Variants in FOXF2 observed in about 807,000 individuals in gnomAD.
FOXF2 encodes forkhead box F2, also known as forkhead box protein F2.
FOXF2 carries 15 observed loss-of-function variants against 29.1 expected under a neutral mutation model. The ratio of observed to expected loss-of-function variants is 0.52; its 90% CI spans 0.35 to 0.79. FOXF2 has a LOEUF of 0.79. Ranked by LOEUF, FOXF2 falls within the 30% of genes least tolerant of loss-of-function variation. The pLI, the probability that FOXF2 is intolerant of heterozygous loss-of-function variation, is 0.01. For missense variants in FOXF2, 675 were observed against 667.1 expected (o/e 1.01, Z -0.13); for synonymous variants, 337 against 316.5 (o/e 1.06, Z -0.69).
At chr6:1,393,904 C>G (rs1581263680) in intron 1 of FOXF2, among the ~76,000 whole-genome samples, 2 of 152,158 alleles carry the variant, frequency 1.3e-5, no homozygotes, top group Non-Finnish European at 1.5e-5. Context: ...TCAAGCGGCC[C>G]GGTGCAGGCC....
rs1383880981 is a variant in FOXF2 at position 1,392,471 on chromosome 6, CA to C, written c.1171+1354del. On this transcript the variant is annotated intron_variant, in intron 1 of 1. Transcript: ENST00000645481. ...ACACACACACACACACACACACACA[CA>C]CACACCCCTCGGTGCACTGGCCCCT... 5.9e-5 allele frequency among the ~76,000 whole-genome samples: 9 copies of C among 151,386 alleles called. No individual in the cohort carries two copies. The South Asian group carries it at 8.4e-4, about 14-fold the overall frequency.
chr6:1,395,202 TTGTG>T lies in FOXF2; in HGVS notation c.*359_*362del, dbSNP rs562724614. ...TCAGGGTGTGAAAAAAGCAGACAAG[TTGTG>T]TGTGTGTGTGTGTGTCTAAGAAAAC... On this transcript the variant is annotated 3_prime_UTR_variant, in exon 2 of 2. Transcript: ENST00000645481. 13 of 350,544 alleles carry T rather than the reference TTGTG, an allele frequency of 3.7e-5. No individual in the cohort carries two copies. Among genetic ancestry groups the T allele is most frequent in the South Asian group, 9.5e-5 (3 of 31,670 alleles). The allele number at this position is 350,544 out of a possible 1,614,324, so 21.7% of individuals were successfully genotyped here. A position where few individuals can be genotyped will look rare whatever the true frequency, so the allele number is the denominator to read the frequency against.
In FOXF2 at chr6:1,394,797, G is replaced by C. The variant is rs769225202; in HGVS notation, c.1273G>C (p.Gly425Arg). ...GISSFHPSASGSYYHHHHQSV... is the reference protein window; with the variant it reads ...GISSFHPSASRSYYHHHHQSV... ...TTCTTCTTTCCATCCCTCAGCTAGC[G>C]GGTCGTATTATCACCATCACCACCA... The change falls in exon 2 of 2, where the codon GGG (glycine) becomes CGG (arginine). Residue 425 changes from glycine to arginine, a missense_variant. By Grantham distance (125) the Gly-to-Arg change is moderately radical. This residue lies in a region of FOXF2 where 451 missense variants were observed against 437.2 expected (regional missense o/e 1.03). Transcript: ENST00000645481. The C allele has an allele frequency of 6.2e-7, 1 of 1,614,010 alleles. No individual in the cohort carries two copies. Among genetic ancestry groups the C allele is most frequent in the Non-Finnish European group, 8.5e-7 (1 of 1,179,974 alleles).
rs1482054990 is a variant in FOXF2, at chr6:1,390,056, G to A, written c.109G>A (p.Ala37Thr). 4 of 1,382,320 alleles carry A rather than the reference G, an allele frequency of 2.9e-6. No homozygotes were observed. Among genetic ancestry groups the A allele is most frequent in the Admixed American group, 5.3e-5 (2 of 37,978 alleles). The allele number at this position is 1,382,320 out of a possible 1,614,324, so 85.6% of individuals were successfully genotyped here. A position where few individuals can be genotyped will look rare whatever the true frequency, so the allele number is the denominator to read the frequency against. ...LMSPPPAAAA[A>T]AAAAPETTSS... ...GAGCCCGCCGCCCGCCGCCGCCGCC[G>A]CCGCCGCCGCCGCCCCGGAGACCAC... The change falls in exon 1 of 2, where the codon GCC (alanine) becomes ACC (threonine). Residue 37 changes from alanine to threonine, a missense_variant. Ala to Thr is a moderately conservative substitution (Grantham distance 58). This residue lies in a region of FOXF2 where 220 missense variants were observed against 205.5 expected (regional missense o/e 1.07). Transcript: ENST00000645481. The surrounding 1 kb of genome is among the most constrained non-coding windows in gnomAD (Gnocchi z 8.5).
rs1379599990 is a variant in FOXF2, at chr6:1,395,374, G to A, written c.*515G>A. The A allele has an allele frequency of 6.2e-6, 1 of 161,378 alleles. No individual in the cohort carries two copies. The highest frequency in any genetic ancestry group is 1.4e-5 in the Non-Finnish European group (1 of 73,000). 10.0% of individuals were successfully genotyped at this position (161,378 alleles called of 1,614,324 possible). A position where few individuals can be genotyped will look rare whatever the true frequency, so the allele number is the denominator to read the frequency against. ...AAGAACATTATTAAGGAATTATTTAGAAACAATGTGTCTAGTTTAAGAAAG... is the reference window on the plus strand; with the variant it reads ...AAGAACATTATTAAGGAATTATTTAAAAACAATGTGTCTAGTTTAAGAAAG... On this transcript the variant is annotated 3_prime_UTR_variant, in exon 2 of 2. Coordinates refer to ENST00000645481, the MANE Select transcript of FOXF2 (RefSeq NM_001452.2).
Position 1,390,553 on chromosome 6 carries a change from G to T in FOXF2, c.606G>T (p.Ala202=). ...RPRGFRRKCQ[A]LKPMYHRVVS... is the part of the protein sequence containing the mutation. Reference sequence around the variant, plus strand: ...GCGGCTTCAGGCGGAAGTGCCAGGCGCTCAAGCCCATGTACCACCGCGTGG... The same window carrying T: ...GCGGCTTCAGGCGGAAGTGCCAGGCTCTCAAGCCCATGTACCACCGCGTGG... The change falls in exon 1 of 2, where the codon GCG becomes GCT. Residue 202 remains alanine (A), a synonymous_variant. Coordinates refer to ENST00000645481, the MANE Select transcript of FOXF2 (RefSeq NM_001452.2). This position sits in a 1 kb window ranked among gnomAD's most constrained non-coding sequence, Gnocchi z 8.5. 6.2e-7 allele frequency: 1 copy of T among 1,606,830 alleles called. No individual in the cohort carries two copies. The highest frequency in any genetic ancestry group is 8.5e-7 in the Non-Finnish European group (1 of 1,179,020).
chr6:1,392,006 C>T (rs1428547400), intron 1 of FOXF2, among the ~76,000 whole-genome samples: 1 of 152,178 alleles, frequency 6.6e-6, no homozygotes, highest in Non-Finnish European at 1.5e-5. Flanking sequence ...CTTACATTAA[C>T]CCCTCGCTCG....
At chr6:1,393,269 T>A (rs2113371529) in intron 1 of FOXF2, among the ~76,000 whole-genome samples, 1 of 151,484 alleles carries the variant, frequency 6.6e-6, no homozygotes, top group South Asian at 2.1e-4. Context: ...TGCCCTGGAG[T>A]TCTCCATTAA....
Position 1,390,011 on chromosome 6 carries a change from G to T in FOXF2, c.64G>T (p.Ala22Ser). Reference protein sequence around the residue: ...LRRACSPVPGALQAALMSPPP... With the variant: ...LRRACSPVPGSLQAALMSPPP... ...CCGCGCGTGCAGCCCGGTCCCCGGCGCGCTCCAGGCCGCCCTGATGAGCCC... is the reference window on the plus strand; with the variant it reads ...CCGCGCGTGCAGCCCGGTCCCCGGCTCGCTCCAGGCCGCCCTGATGAGCCC... The change falls in exon 1 of 2, where the codon GCG becomes TCG. Residue 22 changes from alanine (A) to serine (S), a missense_variant. By Grantham distance (99) the Ala-to-Ser change is moderately conservative (BLOSUM62 1). Coordinates refer to ENST00000645481, the MANE Select transcript of FOXF2 (RefSeq NM_001452.2). The surrounding 1 kb of genome is among the most constrained non-coding windows in gnomAD (Gnocchi z 8.5). 8.7e-7 allele frequency: 1 copy of T among 1,149,536 alleles called. No individual in the cohort carries two copies. Among genetic ancestry groups the T allele is most frequent in the African/African-American group, 1.7e-5 (1 of 59,514 alleles). The allele number at this position is 1,149,536 out of a possible 1,614,324, so 71.2% of individuals were successfully genotyped here. A position where few individuals can be genotyped will look rare whatever the true frequency, so the allele number is the denominator to read the frequency against.
chr6:1,392,434 T>TCACTCACA (rs1554124327), intron 1 of FOXF2, among the ~76,000 whole-genome samples: 8,491 of 107,612 alleles, frequency 0.079, 466 homozygotes, highest in African/African-American at 0.12. Flanking sequence ...CGGCTGTCAA[T>TCACTCACA]CACACACACA....
Position 1,390,170 on chromosome 6 carries a change from A to AGCGCGGGCGGCGGCG in FOXF2, c.233_247dup (p.Gly78_Gly82dup). The AGCGCGGGCGGCGGCG allele has an allele frequency of 1.4e-6, 2 of 1,461,726 alleles. No individual in the cohort carries two copies. Among genetic ancestry groups the AGCGCGGGCGGCGGCG allele is most frequent in the Non-Finnish European group, 1.8e-6 (2 of 1,104,136 alleles). The allele number at this position is 1,461,726 out of a possible 1,614,324, so 90.5% of individuals were successfully genotyped here. ...CAGCGCCCCCTCGGCTGCCTGCAAG[A>AGCGCGGGCGGCGGCG]GCGCGGGCGGCGGCGGCGCGGGCGC... On this transcript the variant is annotated inframe_insertion, in exon 1 of 2. Transcript: ENST00000645481. The surrounding 1 kb of genome is among the most constrained non-coding windows in gnomAD (Gnocchi z 8.5).
At position 1,390,739 on chromosome 6, in the gene FOXF2, C is replaced by T. The variant is rs916923100; in HGVS notation, c.792C>T (p.His264=). 18 of 1,422,412 alleles carry T rather than the reference C, an allele frequency of 1.3e-5. No homozygotes were observed. The African/African-American group carries it at 2.6e-4, about 20-fold the overall frequency. 88.1% of individuals were successfully genotyped at this position (1,422,412 alleles called of 1,614,324 possible). Residue 264 remains histidine, a synonymous_variant, in exon 1 of 2, where the codon CAC becomes CAT. Transcript: ENST00000645481. This position sits in a 1 kb window ranked among gnomAD's most constrained non-coding sequence, Gnocchi z 8.5. ...DAGAGAPSHA[H]PHHHHHHHVP... Reference sequence around the variant, plus strand: ...GCGCGGGCGCCCCCAGCCACGCGCACCCTCACCACCACCACCACCACCACG... The same window carrying T: ...GCGCGGGCGCCCCCAGCCACGCGCATCCTCACCACCACCACCACCACCACG...
intron 1 of FOXF2, among the ~76,000 whole-genome samples, chr6:1,393,483 T>C (rs886106670): frequency 2.6e-5 from 4 of 152,010 alleles, no homozygotes; most frequent in Admixed American, 1.3e-4. Context: ...CGCGCACACA[T>C]CGGGGCTCGC....
Position 1,395,109 on chromosome 6 carries a change from C to A in FOXF2, c.*250C>A. ...TCCCACATGAGGGAGAGGGCAGACTCAGGTGGGAAGATGTGCCATGCGTAA... is the reference window on the plus strand; with the variant it reads ...TCCCACATGAGGGAGAGGGCAGACTAAGGTGGGAAGATGTGCCATGCGTAA... On this transcript the variant is annotated 3_prime_UTR_variant, in exon 2 of 2. Coordinates refer to ENST00000645481, the MANE Select transcript of FOXF2 (RefSeq NM_001452.2). The A allele has an allele frequency of 1.8e-6, 1 of 551,142 alleles. No individual in the cohort carries two copies. Among genetic ancestry groups the A allele is most frequent in the South Asian group, 2.0e-5 (1 of 48,816 alleles). The allele number at this position is 551,142 out of a possible 1,614,324, so 34.1% of individuals were successfully genotyped here. A position where few individuals can be genotyped will look rare whatever the true frequency, so the allele number is the denominator to read the frequency against.
In FOXF2 at chr6:1,390,036, C is replaced by A. The variant is rs1316162278; in HGVS notation, c.89C>A (p.Pro30Gln). ...PGALQAALMS[P>Q]PPAAAAAAAA... ...GCGCTCCAGGCCGCCCTGATGAGCC[C>A]GCCGCCCGCCGCCGCCGCCGCCGCC... The change falls in exon 1 of 2, where the codon CCG becomes CAG. Residue 30 changes from proline to glutamine, a missense_variant. Transcript: ENST00000645481. The surrounding 1 kb of genome is among the most constrained non-coding windows in gnomAD (Gnocchi z 8.5). 3.0e-6 allele frequency: 4 copies of A among 1,355,402 alleles called. No homozygotes were observed. Among genetic ancestry groups the A allele is most frequent in the Non-Finnish European group, 3.8e-6 (4 of 1,050,052 alleles). The allele number at this position is 1,355,402 out of a possible 1,614,324, so 84.0% of individuals were successfully genotyped here.
chr6:1,389,990 G>A lies in FOXF2; in HGVS notation c.43G>A (p.Ala15Thr). 4 of 1,033,568 alleles carry A rather than the reference G, an allele frequency of 3.9e-6. No individual in the cohort carries two copies. The highest frequency in any genetic ancestry group is 4.6e-6 in the Non-Finnish European group (4 of 863,972). The allele number at this position is 1,033,568 out of a possible 1,614,324, so 64.0% of individuals were successfully genotyped here. The change falls in exon 1 of 2, where the codon GCG (alanine) becomes ACG (threonine). Residue 15 changes from alanine to threonine, a missense_variant. Transcript: ENST00000645481. Reference sequence around the variant, plus strand: ...GCCGCCGCCGGCCCCGCTCCGCCGCGCGTGCAGCCCGGTCCCCGGCGCGCT... The same window carrying A: ...GCCGCCGCCGGCCCCGCTCCGCCGCACGTGCAGCCCGGTCCCCGGCGCGCT... ...GGPPPAPLRR[A>T]CSPVPGALQA... is the part of the protein sequence containing the mutation.
chr6:1,392,476 A>ACACACCC (rs57146251), intron 1 of FOXF2, among the ~76,000 whole-genome samples: 6 of 139,882 alleles, frequency 4.3e-5, no homozygotes, highest in East Asian at 2.2e-4. Context: ...ACACACACAC[A>ACACACCC]CCCCTCGGTG....
At chr6:1,394,288 C>T (rs902911743) in intron 1 of FOXF2, among the ~76,000 whole-genome samples, 1 of 152,160 alleles carries the variant, frequency 6.6e-6, no homozygotes, top group African/African-American at 2.4e-5. Context: ...TTGGCCCTCC[C>T]TGAAGCCAGG....
chr6:1,390,076 G>GACC lies in FOXF2; in HGVS notation c.133_135dup (p.Thr45dup). 2 of 1,406,282 alleles carry GACC rather than the reference G, an allele frequency of 1.4e-6. No individual in the cohort carries two copies. The highest frequency in any genetic ancestry group is 2.4e-4 in the Middle Eastern group (1 of 4,198). The allele number at this position is 1,406,282 out of a possible 1,614,324, so 87.1% of individuals were successfully genotyped here. ...CCGCCGCCGCCGCCGCCGCCCCGGAGACCACCTCCTCCTCCTCGTCGTCGT... is the reference window on the plus strand; with the variant it reads ...CCGCCGCCGCCGCCGCCGCCCCGGAGACCACCACCTCCTCCTCCTCGTCGTCGT... On this transcript the variant is annotated inframe_insertion, in exon 1 of 2. Coordinates refer to ENST00000645481, the MANE Select transcript of FOXF2 (RefSeq NM_001452.2). The surrounding 1 kb of genome is among the most constrained non-coding windows in gnomAD (Gnocchi z 8.5).
Sources: gnomAD v4.1 joint callset for allele counts (sites outside exome capture counted in the v4.1 genomes callset) on GRCh38, gnomAD v4.1.1 for gene constraint, gnomAD v4.1.1 regional missense constraint, Gnocchi (gnomAD v3.1) non-coding constraint, MANE v1.5 for transcripts, NCBI Gene and HGNC (gene_info 2026-07-23, HGNC 2026-07-21) for gene names.